The following ADAP2 variants were observed in gnomAD, a reference collection of about 807,000 sequenced individuals.
The protein encoded by ADAP2 is arf-GAP with dual PH domain-containing protein 2.
In ADAP2, 42 loss-of-function variants were observed where a neutral mutation model predicts 54.9. The ratio of observed to expected loss-of-function variants is 0.77; its 90% CI spans 0.60 to 0.99. The LOEUF is 0.99. Ranked by LOEUF, ADAP2 falls within the 50% of genes least tolerant of loss-of-function variation. ADAP2 has a pLI of 0.00. For synonymous variants in ADAP2, 177 were observed against 180.1 expected (o/e 0.98, Z 0.14); for missense variants, 429 against 480.4 (o/e 0.89, Z 1.00).
intron 2 of ADAP2, among the ~76,000 whole-genome samples, chr17:30,924,261 T>C (rs1192363626): frequency 6.6e-6 from 1 of 151,888 alleles, no homozygotes; most frequent in African/African-American, 2.4e-5. Context: ...TCGTCCCAGA[T>C]ACTTCGGGGG....
intron 5 of ADAP2, among the ~76,000 whole-genome samples, chr17:30,943,614 C>T (rs892384699): frequency 4.0e-5 from 6 of 151,596 alleles, no homozygotes; most frequent in African/African-American, 1.5e-4. Flanking sequence ...TTTGGGAGGC[C>T]GAGGCAGGTG....
At chr17:30,944,424 G>A (rs1912500341) in intron 5 of ADAP2, among the ~76,000 whole-genome samples, 1 of 152,048 alleles carries the variant, frequency 6.6e-6, no homozygotes, top group African/African-American at 2.4e-5. Flanking sequence ...ATCACCTGAG[G>A]TCAGGAGTTC....
rs144838872 is a variant in ADAP2 at position 30,940,854 on chromosome 17, C to T, written c.511-4053C>T. On this transcript the variant is annotated intron_variant, in intron 5 of 10. Transcript: ENST00000330889. ...CTCATAATGAGCAGATGTTATTGTT[C>T]TTTGGCCCTCTAGAAAGTCAACAAG... is the stretch of plus-strand genomic sequence containing the variant. 6.9e-3 allele frequency among the ~76,000 whole-genome samples: 1,057 copies of T among 152,302 alleles called. 5 individuals are homozygous for T. Among genetic ancestry groups the T allele is most frequent in the Non-Finnish European group, 0.011 (768 of 68,018 alleles).
At chr17:30,938,834 A>C (rs183087567) in intron 5 of ADAP2, among the ~76,000 whole-genome samples, 4 of 152,308 alleles carry the variant, frequency 2.6e-5, no homozygotes, top group Admixed American at 2.6e-4. Flanking sequence ...GCAAGGAATA[A>C]ATTCAATATT....
chr17:30,932,665 C>T (rs7226277), intron 4 of ADAP2, among the ~76,000 whole-genome samples: 4,250 of 151,492 alleles, frequency 0.028, 183 homozygotes, highest in African/African-American at 0.094. Context: ...GCAGCCTCTG[C>T]CTCCTGGGTT....
chr17:30,956,634 A>T, intron 10 of ADAP2, 165 bp downstream of exon 10: 2 of 742,878 alleles, frequency 2.7e-6, no homozygotes, highest in East Asian at 5.4e-5. Context: ...ACATGCCATT[A>T]TTGCCAAAAG....
chr17:30,933,961 G>C (rs1911683622), intron 4 of ADAP2, among the ~76,000 whole-genome samples: 1 of 152,236 alleles, frequency 6.6e-6, no homozygotes, highest in Non-Finnish European at 1.5e-5. Context: ...AGTCAAGGAA[G>C]AAAGGTTTTA....
chr17:30,951,907 G>A (rs573465340), intron 7 of ADAP2, among the ~76,000 whole-genome samples: 6 of 151,948 alleles, frequency 3.9e-5, no homozygotes, highest in African/African-American at 4.8e-5. Flanking sequence ...CACACGCCTC[G>A]GCCTCCCAAA....
chr17:30,928,525 T>C (rs1227631136), intron 3 of ADAP2, among the ~76,000 whole-genome samples: 1 of 152,190 alleles, frequency 6.6e-6, no homozygotes, highest in Non-Finnish European at 1.5e-5. Flanking sequence ...TGAGCTTTGC[T>C]TAAGTACTAC....
chr17:30,934,370 A>C, intron 5 of ADAP2, 73 bp downstream of exon 5: 1 of 986,654 alleles, frequency 1.0e-6, no homozygotes, highest in Non-Finnish European at 1.5e-6. Flanking sequence ...CATTCTAATC[A>C]GTGGTGCCCT....
At chr17:30,927,675 T>G (rs1911168106) in intron 3 of ADAP2, among the ~76,000 whole-genome samples, 1 of 151,528 alleles carries the variant, frequency 6.6e-6, no homozygotes, top group Non-Finnish European at 1.5e-5. Context: ...AAGCTCGGGC[T>G]GGCTCTAAAC....
At chr17:30,947,985 G>A (rs147040193) in intron 6 of ADAP2, among the ~76,000 whole-genome samples, 10 of 152,224 alleles carry the variant, frequency 6.6e-5, no homozygotes, top group African/African-American at 1.9e-4. Flanking sequence ...GAAGATAGGC[G>A]GGGTAGTTCT....
chr17:30,934,604 C>G (rs1320296188), intron 5 of ADAP2, among the ~76,000 whole-genome samples: 2 of 152,096 alleles, frequency 1.3e-5, no homozygotes, highest in African/African-American at 2.4e-5. Flanking sequence ...AGACATTATT[C>G]CAGGCACTGA....
chr17:30,943,711 G>GC (rs1912440110), intron 5 of ADAP2, among the ~76,000 whole-genome samples: 1 of 152,068 alleles, frequency 6.6e-6, no homozygotes, highest in Non-Finnish European at 1.5e-5. Context: ...GCCAGGCATG[G>GC]CGGCACGTGT....
chr17:30,948,992 T>C (rs1379747184), intron 6 of ADAP2, among the ~76,000 whole-genome samples: 1 of 152,162 alleles, frequency 6.6e-6, no homozygotes, highest in Non-Finnish European at 1.5e-5. Context: ...TTTGCACGCA[T>C]TAGAAGGTGA....
intron 6 of ADAP2, among the ~76,000 whole-genome samples, chr17:30,945,671 G>A (rs1045345164): frequency 2.2e-4 from 34 of 151,808 alleles, no homozygotes; most frequent in African/African-American, 8.0e-4. Context: ...TGAGAGGATC[G>A]CTTGAGCCTG....
At chr17:30,937,812 A>G (rs145659326) in intron 5 of ADAP2, among the ~76,000 whole-genome samples, 87 of 152,358 alleles carry the variant, frequency 5.7e-4, no homozygotes, top group African/African-American at 1.9e-3. Flanking sequence ...TTTGCTATTT[A>G]CTAAGGTGGC....
chr17:30,932,800 C>T (rs1425513701), intron 4 of ADAP2, among the ~76,000 whole-genome samples: 1 of 151,750 alleles, frequency 6.6e-6, no homozygotes, highest in Non-Finnish European at 1.5e-5. Context: ...GAACTCCTGA[C>T]CTCATGATCT....
At chr17:30,928,190 CAA>C (rs1168453604) in intron 3 of ADAP2, among the ~76,000 whole-genome samples, 3 of 33,224 alleles carry the variant, frequency 9.0e-5, no homozygotes, top group Admixed American at 3.2e-4. Context: ...GAGACTGTCT[CAA>C]AAAAAAAAAA....
Sources: allele counts gnomAD v4.1 joint callset (sites outside exome capture counted in the v4.1 genomes callset), GRCh38; gene constraint gnomAD v4.1.1; transcripts MANE v1.5; gene names NCBI Gene and HGNC (gene_info 2026-07-23, HGNC 2026-07-21).